Variants in WDR70 observed in about 807,000 individuals in gnomAD.
WDR70 encodes WD repeat domain 70.
Under a neutral mutation model 88.6 loss-of-function variants are expected in WDR70, and 53 were observed. That is an observed-to-expected ratio of 0.60 (90% CI 0.48 to 0.75). The LOEUF (loss-of-function observed/expected upper bound fraction) is 0.75. Among genes scored for constraint, WDR70 ranks in the 30% least tolerant of loss-of-function variants. The pLI is 0.00. For synonymous variants in WDR70, 280 were observed against 270.0 expected, an observed-to-expected ratio of 1.04 and a Z score of -0.36; for missense variants, 610 against 823.2, an observed-to-expected ratio of 0.74 and a Z score of 3.17.
At chr5:37,426,439 G>T (rs1581269184) in intron 5 of WDR70, among the ~76,000 whole-genome samples, 1 of 152,116 alleles carries the variant, frequency 6.6e-6, no homozygotes, top group East Asian at 1.9e-4. Flanking sequence ...TAAAAGAATA[G>T]CCAGTATAAT....
chr5:37,605,022 T>C (rs1349670357), intron 9 of WDR70, 42 bp from the exon 10 acceptor site: 1 of 1,044,252 alleles, frequency 9.6e-7, no homozygotes, highest in South Asian at 1.9e-5. Flanking sequence ...CCCTCCTTCT[T>C]TTTTTTTTTA....
At chr5:37,637,264 C>A (rs10941357) in intron 10 of WDR70, among the ~76,000 whole-genome samples, 63,329 of 151,162 alleles carry the variant, frequency 0.42, 15,010 homozygotes, top group Non-Finnish European at 0.53. Context: ...TCGCTTGAAC[C>A]TGAGAGGCGA....
At chr5:37,448,583 T>A (rs1398616698) in intron 7 of WDR70, among the ~76,000 whole-genome samples, 1 of 152,226 alleles carries the variant, frequency 6.6e-6, no homozygotes, top group Non-Finnish European at 1.5e-5. Context: ...AGAATATTTT[T>A]AAATTTATAG....
intron 9 of WDR70, among the ~76,000 whole-genome samples, chr5:37,604,538 G>A (rs1489721453): frequency 1.3e-5 from 2 of 151,984 alleles, no homozygotes; most frequent in Non-Finnish European, 2.9e-5. Flanking sequence ...TTGTTGCTTG[G>A]CAAAAGCTCA....
intron 10 of WDR70, among the ~76,000 whole-genome samples, chr5:37,658,479 T>C (rs894982638): frequency 2.6e-5 from 4 of 152,150 alleles, no homozygotes; most frequent in African/African-American, 9.6e-5. Flanking sequence ...TAATGTTCCC[T>C]CTGCCTAGAA....
At chr5:37,739,626 G>A (rs1748411634) in intron 17 of WDR70, among the ~76,000 whole-genome samples, 1 of 152,114 alleles carries the variant, frequency 6.6e-6, no homozygotes, top group African/African-American at 2.4e-5. Context: ...CCTTGTGGAA[G>A]CACCCAACAG....
intron 10 of WDR70, among the ~76,000 whole-genome samples, chr5:37,688,884 C>T (rs184052931): frequency 3.3e-5 from 5 of 152,142 alleles, no homozygotes; most frequent in African/African-American, 4.8e-5. Flanking sequence ...AGCGGGGCAT[C>T]GCCTCACCTG....
chr5:37,451,452 T>C (rs1738674298), intron 7 of WDR70, among the ~76,000 whole-genome samples: 1 of 152,170 alleles, frequency 6.6e-6, no homozygotes, highest in Non-Finnish European at 1.5e-5. Context: ...ATGTGTTTAG[T>C]AATTCTAAGG....
intron 7 of WDR70, among the ~76,000 whole-genome samples, chr5:37,446,044 C>T (rs1290013316): frequency 2.0e-5 from 3 of 152,166 alleles, no homozygotes; most frequent in East Asian, 1.9e-4. Context: ...AAAACCCCAT[C>T]GTCTCAGCCC....
At chr5:37,560,353 C>T (rs75086830) in intron 9 of WDR70, among the ~76,000 whole-genome samples, 26,500 of 151,810 alleles carry the variant, frequency 0.17, 2,406 homozygotes, top group South Asian at 0.26. Flanking sequence ...CCTGTTGGTC[C>T]ATATGTTTTC....
At chr5:37,515,226 T>A (rs117353585) in intron 8 of WDR70, among the ~76,000 whole-genome samples, 29 of 152,172 alleles carry the variant, frequency 1.9e-4, no homozygotes, top group Non-Finnish European at 3.1e-4. Flanking sequence ...TGAATCTGTG[T>A]AGATAGAAGG....
At chr5:37,449,903 G>A (rs890489920) in intron 7 of WDR70, among the ~76,000 whole-genome samples, 1 of 151,912 alleles carries the variant, frequency 6.6e-6, no homozygotes, top group Non-Finnish European at 1.5e-5. Context: ...CCATAGCCCC[G>A]CACCCCCTGA....
intron 10 of WDR70, among the ~76,000 whole-genome samples, chr5:37,630,112 C>T (rs1022477107): frequency 1.3e-5 from 2 of 152,190 alleles, no homozygotes. Flanking sequence ...GCAGCTTTGC[C>T]AGGCTTGGGC....
chr5:37,557,904 C>G, intron 9 of WDR70, among the ~76,000 whole-genome samples: 1 of 129,154 alleles, frequency 7.7e-6, no homozygotes, highest in Non-Finnish European at 1.7e-5. Context: ...CAGATTTATA[C>G]TCTTTTGAAA....
intron 10 of WDR70, among the ~76,000 whole-genome samples, chr5:37,624,508 C>G (rs1179205560): frequency 2.0e-5 from 3 of 152,096 alleles, no homozygotes; most frequent in Non-Finnish European, 4.4e-5. Flanking sequence ...CATGGAAATA[C>G]AGGTATCTTT....
intron 10 of WDR70, among the ~76,000 whole-genome samples, chr5:37,692,628 C>G (rs1393480663): frequency 6.6e-6 from 1 of 152,118 alleles, no homozygotes; most frequent in East Asian, 1.9e-4. Flanking sequence ...GTGATTATCT[C>G]AATAGATGCA....
At chr5:37,625,054 G>C (rs1027150085) in intron 10 of WDR70, among the ~76,000 whole-genome samples, 4 of 152,166 alleles carry the variant, frequency 2.6e-5, no homozygotes, top group African/African-American at 4.8e-5. Context: ...TTGGGGACCA[G>C]GGCTTCTAGT....
intron 7 of WDR70, among the ~76,000 whole-genome samples, chr5:37,453,439 G>T (rs984196128): frequency 4.6e-5 from 7 of 152,252 alleles, no homozygotes; most frequent in African/African-American, 1.7e-4. Context: ...ATCTGCAGCA[G>T]GAGCATGTCC....
chr5:37,627,726 G>A (rs1744705609), intron 10 of WDR70, among the ~76,000 whole-genome samples: 2 of 152,022 alleles, frequency 1.3e-5, no homozygotes, highest in African/African-American at 2.4e-5. Flanking sequence ...CCATGTGTTG[G>A]TATAGTTTTG....
Sources: allele counts gnomAD v4.1 joint callset (sites outside exome capture counted in the v4.1 genomes callset), GRCh38; gene constraint gnomAD v4.1.1; transcripts MANE v1.5; gene names NCBI Gene and HGNC (gene_info 2026-07-23, HGNC 2026-07-21).